The following CEP104 variants were observed in gnomAD, a reference collection of about 807,000 sequenced individuals.
The protein encoded by CEP104 is centrosomal protein 104.
In CEP104, 84 loss-of-function variants were observed where a neutral mutation model predicts 113.3. That is an observed-to-expected ratio of 0.74 (90% CI 0.62 to 0.89). The LOEUF is 0.89. Ranked by LOEUF, CEP104 falls within the 40% of genes least tolerant of loss-of-function variation. The pLI, the probability that CEP104 is intolerant of heterozygous loss-of-function variation, is 0.00. For missense variants in CEP104, 1,053 were observed against 1,156.6 expected (o/e 0.91, Z 1.30); for synonymous variants, 378 against 421.7 (o/e 0.90, Z 1.27).
At chr1:3,826,171 A>G (rs149912777) in intron 17 of CEP104, among the ~76,000 whole-genome samples, 199 bp downstream of exon 17, 1 of 152,360 alleles carries the variant, frequency 6.6e-6, no homozygotes, top group Non-Finnish European at 1.5e-5. Context: ...AGCAGAAAGG[A>G]TATTTTAAGT....
At chr1:3,837,142 C>T (rs1344787782) in intron 9 of CEP104, 150 bp downstream of exon 9, 2 of 638,576 alleles carry the variant, frequency 3.1e-6, no homozygotes, top group Admixed American at 2.8e-5. Context: ...TATGCTCTCA[C>T]TCAGCACTAT....
chr1:3,837,563 C>A, intron 8 of CEP104, 44 bp from the exon 9 acceptor site: 1 of 1,483,276 alleles, frequency 6.7e-7, no homozygotes, highest in Non-Finnish European at 9.4e-7. Flanking sequence ...GCCACTGCCA[C>A]GCCAGATATA....
chr1:3,843,565 C>T (rs6678020), intron 6 of CEP104, among the ~76,000 whole-genome samples: 137,127 of 151,534 alleles, frequency 0.9, 62,713 homozygotes, highest in Middle Eastern at 0.97. Context: ...TTCCCCAGGC[C>T]GGTTTCAAAC....
chr1:3,836,829 CA>C, intron 9 of CEP104, 137 bp from the exon 10 acceptor site: 1 of 666,176 alleles, frequency 1.5e-6, no homozygotes, highest in Non-Finnish European at 2.5e-6. Context: ...TCAGTATCAT[CA>C]GATTAGAATA....
At chr1:3,848,820 C>A (rs765353474) in intron 2 of CEP104, 39 bp from the exon 3 acceptor site, 1 of 1,555,662 alleles carries the variant, frequency 6.4e-7, no homozygotes, top group Non-Finnish European at 8.8e-7. Flanking sequence ...TGAACAACTT[C>A]TGCAGAGGGT....
chr1:3,820,585 C>A (rs1026285974), intron 20 of CEP104, among the ~76,000 whole-genome samples: 3 of 72,458 alleles, frequency 4.1e-5, no homozygotes, highest in African/African-American at 2.4e-4. Flanking sequence ...ATTCTATCGA[C>A]CCGGAAACAT....
chr1:3,844,391 T>C (rs1225647417), intron 6 of CEP104, among the ~76,000 whole-genome samples: 1 of 152,112 alleles, frequency 6.6e-6, no homozygotes, highest in Middle Eastern at 3.2e-3. Flanking sequence ...GTGGATCACC[T>C]GAGGTCAGGC....
chr1:3,829,927 A>T lies in CEP104; in HGVS notation c.1907T>A (p.Met636Lys), dbSNP rs772589144. 1.2e-6 allele frequency: 2 copies of T among 1,614,190 alleles called. No homozygotes were observed. The highest frequency in any genetic ancestry group is 1.1e-5 in the South Asian group (1 of 91,088). Residue 636 changes from methionine to lysine, a missense_variant, in exon 14 of 22, where the codon ATG becomes AAG. Physicochemically the swap from Met to Lys is moderately conservative, Grantham distance 95 (BLOSUM62 -1). Transcript: ENST00000378230. Reference sequence around the variant, plus strand: ...GATGGAAGCCTGGTGCTGTCTGTACATGTCCAAAATAATTCGAACCGCCGT... The same window carrying T: ...GATGGAAGCCTGGTGCTGTCTGTACTTGTCCAAAATAATTCGAACCGCCGT... ...RETAVRIILD[M>K]YRQHQASILE...
intron 20 of CEP104, among the ~76,000 whole-genome samples, chr1:3,820,734 C>G (rs1242937724): frequency 2.0e-5 from 3 of 152,208 alleles, no homozygotes; most frequent in African/African-American, 7.2e-5. Flanking sequence ...ACCCCCGTCA[C>G]CAGTGGCAGA....
Position 3,845,271 on chromosome 1 carries a change from A to G in CEP104, c.489+18T>C. On this transcript the variant is annotated intron_variant, in intron 5 of 21. Transcript: ENST00000378230. ...AAATAGATTTACTTCCTTAGGAATT[A>G]AAACTTTCCAAACTTACAGTATTGC... The G allele has an allele frequency of 6.5e-7, 1 of 1,549,278 alleles. No individual in the cohort carries two copies. Among genetic ancestry groups the G allele is most frequent in the Non-Finnish European group, 8.8e-7 (1 of 1,131,476 alleles).
chr1:3,829,094 T>A (rs1261237146), intron 15 of CEP104, among the ~76,000 whole-genome samples, 172 bp downstream of exon 15: 1 of 151,980 alleles, frequency 6.6e-6, no homozygotes, highest in Non-Finnish European at 1.5e-5. Context: ...CAATTCCACC[T>A]CTCCATGGAG....
rs1292007766 is a variant in CEP104 at position 3,823,394 on chromosome 1, G to A, written c.2503+30C>T. ...TCCAAGAGGACCCCTGGTGACCCGAGGGCACGGGAGCCTGGGAAGGGGCAC... is the reference window on the plus strand; with the variant it reads ...TCCAAGAGGACCCCTGGTGACCCGAAGGCACGGGAGCCTGGGAAGGGGCAC... On this transcript the variant is annotated intron_variant, in intron 19 of 21. Coordinates refer to ENST00000378230, the MANE Select transcript of CEP104 (RefSeq NM_014704.4). The surrounding 1 kb of genome is among the most constrained non-coding windows in gnomAD (Gnocchi z 4.1). 1.9e-6 allele frequency: 3 copies of A among 1,614,148 alleles called. No individual in the cohort carries two copies. Among genetic ancestry groups the A allele is most frequent in the South Asian group, 2.2e-5 (2 of 91,060 alleles).
Position 3,836,468 on chromosome 1 carries a change from GTTTTTTTTTTT to G in CEP104, c.1317+16_1317+26del, listed in dbSNP as rs36051675. The G allele has an allele frequency of 6.7e-5, 68 of 1,011,160 alleles. No individual in the cohort carries two copies. Among genetic ancestry groups the G allele is most frequent in the Middle Eastern group, 3.6e-4 (1 of 2,782 alleles). The allele number at this position is 1,011,160 out of a possible 1,614,324, so 62.6% of individuals were successfully genotyped here. A position where few individuals can be genotyped will look rare whatever the true frequency, so the allele number is the denominator to read the frequency against. ...AGACTAGCCTCCCCTCTGCCACCCC[GTTTTTTTTTTT>G]TTTTTTTTTTTTTACCAAGGTTTCT... is the stretch of plus-strand genomic sequence containing the variant. On this transcript the variant is annotated intron_variant, in intron 10 of 21. Coordinates refer to ENST00000378230, the MANE Select transcript of CEP104 (RefSeq NM_014704.4).
At chr1:3,842,655 T>A (rs570845250) in intron 6 of CEP104, among the ~76,000 whole-genome samples, 26 of 152,358 alleles carry the variant, frequency 1.7e-4, no homozygotes, top group Non-Finnish European at 2.9e-4. Context: ...TGTATGCAGG[T>A]AAAAGTGAAA....
At chr1:3,822,455 T>C (rs1643996023) in intron 20 of CEP104, among the ~76,000 whole-genome samples, 1 of 152,170 alleles carries the variant, frequency 6.6e-6, no homozygotes, top group Admixed American at 6.5e-5. Context: ...ACACTGCAGG[T>C]GGCAGGAGCT....
rs1057008781 is a variant in CEP104 at position 3,812,146 on chromosome 1, C to T, written c.*3256G>A. On this transcript the variant is annotated 3_prime_UTR_variant, in exon 22 of 22. Coordinates refer to ENST00000378230, the MANE Select transcript of CEP104 (RefSeq NM_014704.4). ...GTGAATTAACCCTTAAGCCCTAAAA[C>T]GACAACAAAAATATATTACTTAGAT... 1 of 151,846 alleles carries T rather than the reference C, an allele frequency of 6.6e-6. No individual in the cohort carries two copies. Among genetic ancestry groups the T allele is most frequent in the East Asian group, 1.9e-4 (1 of 5,186 alleles). 9.4% of individuals were successfully genotyped at this position (151,846 alleles called of 1,614,324 possible).
Position 3,851,643 on chromosome 1 carries a change from A to G in CEP104, c.113+652T>C, listed in dbSNP as rs568668961. Among the ~76,000 whole-genome samples, 4 of 152,250 alleles carry G rather than the reference A, an allele frequency of 2.6e-5. No individual in the cohort carries two copies. In the East Asian group the frequency reaches 7.7e-4, roughly 29 times the overall value. ...AATGTTTTAGGAAAATAATCAAGCA[A>G]AACACTCATCTAATGAACATTTGTT... On this transcript the variant is annotated intron_variant, in intron 2 of 21. Transcript: ENST00000378230.
chr1:3,844,224 C>T (rs888253352), intron 6 of CEP104, among the ~76,000 whole-genome samples: 7 of 152,148 alleles, frequency 4.6e-5, no homozygotes, highest in East Asian at 1.9e-4. Context: ...TATCAAAGGA[C>T]GGCTGACAGA....
Position 3,823,248 on chromosome 1 carries a change from T to C in CEP104, c.2504-7A>G, listed in dbSNP as rs1644015138. Reference sequence around the variant, plus strand: ...AGCTTCTCCGGTTTGGCAGCTGAAATGATTTTAAAAAGACTCAGTCGCTCC... The same window carrying C: ...AGCTTCTCCGGTTTGGCAGCTGAAACGATTTTAAAAAGACTCAGTCGCTCC... On this transcript the variant is annotated splice_polypyrimidine_tract_variant and splice_region_variant and intron_variant, in intron 19 of 21. Coordinates refer to ENST00000378230, the MANE Select transcript of CEP104 (RefSeq NM_014704.4). This position sits in a 1 kb window ranked among gnomAD's most constrained non-coding sequence, Gnocchi z 4.1. 1 of 1,613,996 alleles carries C rather than the reference T, an allele frequency of 6.2e-7. No individual in the cohort carries two copies. The highest frequency in any genetic ancestry group is 1.3e-5 in the African/African-American group (1 of 74,892).
Sources: gnomAD v4.1 joint callset for allele counts (sites outside exome capture counted in the v4.1 genomes callset) on GRCh38, gnomAD v4.1.1 for gene constraint, Gnocchi (gnomAD v3.1) non-coding constraint, MANE v1.5 for transcripts, NCBI Gene and HGNC (gene_info 2026-07-23, HGNC 2026-07-21) for gene names.